Variants in CASQ2 observed in about 807,000 individuals in gnomAD.
The protein encoded by CASQ2 is calsequestrin 2.
A neutral mutation model predicts 46.5 loss-of-function variants in CASQ2; 49 were observed. The observed-to-expected ratio is 1.05, with a 90% CI of 0.84 to 1.34. The LOEUF is 1.34. Ranked by LOEUF, CASQ2 falls within the 40% of genes most tolerant of loss-of-function variation. The pLI, the probability that CASQ2 is intolerant of heterozygous loss-of-function variation, is 0.00. For synonymous variants in CASQ2, 174 were observed against 168.5 expected (o/e 1.03, Z -0.25); for missense variants, 486 against 481.3 (o/e 1.01, Z -0.09).
chr1:115,731,743 C>T (rs2101084569), intron 5 of CASQ2, among the ~76,000 whole-genome samples: 1 of 152,262 alleles, frequency 6.6e-6, no homozygotes, highest in Admixed American at 6.5e-5. Flanking sequence ...CTTAATCTTT[C>T]AGCACCTCAG....
At chr1:115,752,018 G>T (rs1009849919) in intron 1 of CASQ2, among the ~76,000 whole-genome samples, 1 of 152,204 alleles carries the variant, frequency 6.6e-6, no homozygotes, top group Non-Finnish European at 1.5e-5. Flanking sequence ...CCCTAGGCCA[G>T]TTGAAGCTTC....
chr1:115,751,668 T>C (rs528698482), intron 1 of CASQ2, among the ~76,000 whole-genome samples: 1,168 of 90,372 alleles, frequency 0.013, 7 homozygotes, highest in Non-Finnish European at 0.02. Context: ...TGAGCCTCCA[T>C]CTTAAAAAAA....
chr1:115,720,389 A>G (rs539532781), intron 7 of CASQ2, among the ~76,000 whole-genome samples: 2 of 152,208 alleles, frequency 1.3e-5, no homozygotes, highest in South Asian at 2.1e-4. Flanking sequence ...TCAGCCCTCA[A>G]GACCTAATCA....
rs786205790 is a variant in CASQ2 at position 115,738,238 on chromosome 1, C to A, written c.518G>T (p.Ser173Ile). 8.7e-6 allele frequency: 14 copies of A among 1,607,246 alleles called. No homozygotes were observed. Among genetic ancestry groups the A allele is most frequent in the African/African-American group, 1.3e-5 (1 of 74,800 alleles). Residue 173 changes from serine (S) to isoleucine (I), a missense_variant, in exon 4 of 11, where the codon AGT becomes ATT. Physicochemically the swap from Ser to Ile is moderately radical, Grantham distance 142. Transcript: ENST00000261448. ...DYIKLIGFFK[S>I]EDSEYYKAFE... is the part of the protein sequence containing the mutation. Reference sequence around the variant, plus strand: ...AGACAACTTACATTCTGAGTCCTCACTCTTGAAAAAGCCAATGAGTTTGAT... The same window carrying A: ...AGACAACTTACATTCTGAGTCCTCAATCTTGAAAAAGCCAATGAGTTTGAT...
At chr1:115,752,412 AAAAT>A (rs1177975844) in intron 1 of CASQ2, among the ~76,000 whole-genome samples, 9 of 152,334 alleles carry the variant, frequency 5.9e-5, no homozygotes, top group African/African-American at 2.2e-4. Flanking sequence ...TTAGATCTCA[AAAAT>A]AAAAAATAAA....
At chr1:115,728,505 G>A (rs1428098680) in intron 5 of CASQ2, among the ~76,000 whole-genome samples, 1 of 152,144 alleles carries the variant, frequency 6.6e-6, no homozygotes, top group East Asian at 1.9e-4. Flanking sequence ...GAGGCAGGGA[G>A]CCAGAGTGGG....
In CASQ2 at chr1:115,759,451, C is replaced by T. The variant is rs538470541; in HGVS notation, c.234+8857G>A. Among the ~76,000 whole-genome samples, 7 of 152,344 alleles carry T rather than the reference C, an allele frequency of 4.6e-5. No individual in the cohort carries two copies. In the East Asian group the frequency reaches 1.2e-3, roughly 25 times the overall value. On this transcript the variant is annotated intron_variant, in intron 1 of 10. Transcript: ENST00000261448. The stretch of plus-strand genomic sequence containing the variant: ...TCTCATCACATGATTTCCTTGCCCA[C>T]TCCTCTATTGCTTTCTGCTTTCTGC...
At position 115,745,030 on chromosome 1, in the gene CASQ2, G is replaced by A. The variant is rs10801970; in HGVS notation, c.235-118C>T. On this transcript the variant is annotated intron_variant, in intron 1 of 10. Coordinates refer to ENST00000261448, the MANE Select transcript of CASQ2 (RefSeq NM_001232.4). ...TTTCCTCTATACTTGCTGTTACTAT[G>A]TGACCAAGTTGAGCAGCAGCAAAGG... is the stretch of plus-strand genomic sequence containing the variant. 222,175 of 755,692 alleles carry A rather than the reference G, an allele frequency of 0.29. 33,823 individuals are homozygous for A. Among genetic ancestry groups the A allele is most frequent in the East Asian group, 0.37 (13,869 of 37,682 alleles). The allele number at this position is 755,692 out of a possible 1,614,324, so 46.8% of individuals were successfully genotyped here.
chr1:115,729,839 G>A (rs1401576136), intron 5 of CASQ2, among the ~76,000 whole-genome samples: 1 of 152,134 alleles, frequency 6.6e-6, no homozygotes, highest in African/African-American at 2.4e-5. Context: ...CACTAACTTT[G>A]TTTAGTCACA....
chr1:115,749,864 T>C (rs1648517201), intron 1 of CASQ2, among the ~76,000 whole-genome samples: 1 of 152,236 alleles, frequency 6.6e-6, no homozygotes, highest in Non-Finnish European at 1.5e-5. Flanking sequence ...CTACCAGTCC[T>C]GGCCACCGTT....
At chr1:115,765,224 C>T (rs552747643) in intron 1 of CASQ2, among the ~76,000 whole-genome samples, 66 of 152,284 alleles carry the variant, frequency 4.3e-4, no homozygotes, top group Non-Finnish European at 7.1e-4. Context: ...TCATTTTCCC[C>T]GTATCCACAG....
intron 1 of CASQ2, among the ~76,000 whole-genome samples, chr1:115,759,899 C>T (rs533427302): frequency 1.3e-5 from 2 of 152,308 alleles, no homozygotes; most frequent in African/African-American, 4.8e-5. Context: ...ACTCTGAACC[C>T]TGACCTGAGG....
chr1:115,710,771 AC>A (rs1360719587), intron 8 of CASQ2, among the ~76,000 whole-genome samples: 3 of 151,586 alleles, frequency 2.0e-5, no homozygotes, highest in Non-Finnish European at 2.9e-5. Flanking sequence ...GAGAACTGCA[AC>A]TCCTCTCCTG....
chr1:115,746,796 T>C (rs1648404613), intron 1 of CASQ2, among the ~76,000 whole-genome samples: 3 of 152,218 alleles, frequency 2.0e-5, no homozygotes. Flanking sequence ...TTTTTTGATT[T>C]GACAAATAAT....
chr1:115,756,899 A>G (rs564704620), intron 1 of CASQ2, among the ~76,000 whole-genome samples: 104 of 152,268 alleles, frequency 6.8e-4, no homozygotes, highest in African/African-American at 2.2e-3. Context: ...GTGAGCCAAG[A>G]TTGTGCCACC....
chr1:115,712,076 G>A (rs1654565305), intron 8 of CASQ2, among the ~76,000 whole-genome samples: 1 of 152,150 alleles, frequency 6.6e-6, no homozygotes, highest in African/African-American at 2.4e-5. Flanking sequence ...TTGGTCTCTA[G>A]ACCAGAGCTC....
In CASQ2 at chr1:115,766,543, T is replaced by A. The variant is rs559315089; in HGVS notation, c.234+1765A>T. ...TTTTCCATATTTATAGATAAGAAAA[T>A]GAAGCTCTGAGAAATTACGTAATTT... On this transcript the variant is annotated intron_variant, in intron 1 of 10. Coordinates refer to ENST00000261448, the MANE Select transcript of CASQ2 (RefSeq NM_001232.4). 2.0e-5 allele frequency among the ~76,000 whole-genome samples: 3 copies of A among 152,188 alleles called. No individual in the cohort carries two copies. In the South Asian group the frequency reaches 6.2e-4, roughly 31 times the overall value.
At chr1:115,720,116 C>T (rs1647315729) in intron 7 of CASQ2, among the ~76,000 whole-genome samples, 1 of 152,166 alleles carries the variant, frequency 6.6e-6, no homozygotes, top group African/African-American at 2.4e-5. Context: ...GGATTCAAGC[C>T]AGTTCTGTCT....
At chr1:115,708,699 A>ATTC (rs2101059460) in intron 8 of CASQ2, among the ~76,000 whole-genome samples, 1 of 152,338 alleles carries the variant, frequency 6.6e-6, no homozygotes, top group East Asian at 1.9e-4. Flanking sequence ...ATTACCTGAC[A>ATTC]TTCTATATTC....
Sources: allele counts gnomAD v4.1 joint callset (sites outside exome capture counted in the v4.1 genomes callset), GRCh38; gene constraint gnomAD v4.1.1; transcripts MANE v1.5; gene names NCBI Gene and HGNC (gene_info 2026-07-23, HGNC 2026-07-21).